The following CRPPA variants were observed in gnomAD, a reference collection of about 807,000 sequenced individuals.
CRPPA encodes CDP-L-ribitol pyrophosphorylase A.
Under a neutral mutation model 52.0 loss-of-function variants are expected in CRPPA, and 43 were observed. That is an observed-to-expected ratio of 0.83 (90% CI 0.65 to 1.07). The LOEUF (loss-of-function observed/expected upper bound fraction) is 1.07. CRPPA is among the 50% of genes least tolerant of loss of function. CRPPA has a pLI of 0.00. For missense variants in CRPPA, 629 were observed against 551.7 expected, an observed-to-expected ratio of 1.14 and a Z score of -1.40; for synonymous variants, 250 against 203.5, an observed-to-expected ratio of 1.23 and a Z score of -1.94.
At chr7:16,333,831 G>A (rs1237429388) in intron 3 of CRPPA, among the ~76,000 whole-genome samples, 1 of 152,180 alleles carries the variant, frequency 6.6e-6, no homozygotes, top group East Asian at 1.9e-4. Context: ...CTTGGCAGTG[G>A]ACCACAAAAA....
intron 2 of CRPPA, among the ~76,000 whole-genome samples, chr7:16,388,485 G>A (rs1418636532): frequency 6.6e-6 from 1 of 152,034 alleles, no homozygotes; most frequent in Non-Finnish European, 1.5e-5. Flanking sequence ...GACACTGGGG[G>A]AAAGAAGAAC....
intron 9 of CRPPA, among the ~76,000 whole-genome samples, chr7:16,129,587 T>A (rs1362161473): frequency 6.6e-6 from 1 of 152,082 alleles, no homozygotes; most frequent in Non-Finnish European, 1.5e-5. Flanking sequence ...ACATCATCTG[T>A]TTTTGCTCAG....
intron 9 of CRPPA, among the ~76,000 whole-genome samples, chr7:16,174,164 C>T (rs556221278): frequency 1.3e-5 from 2 of 152,272 alleles, no homozygotes; most frequent in South Asian, 2.1e-4. Flanking sequence ...TTACAAGACA[C>T]ATTGCAAACA....
chr7:16,095,103 T>C, intron 9 of CRPPA, among the ~76,000 whole-genome samples: 1 of 152,208 alleles, frequency 6.6e-6, no homozygotes, highest in East Asian at 1.9e-4. Flanking sequence ...CCTCTGAATT[T>C]GTCTGTATAT....
chr7:16,394,043 A>C (rs1458009563), intron 2 of CRPPA, among the ~76,000 whole-genome samples: 2 of 152,172 alleles, frequency 1.3e-5, no homozygotes, highest in African/African-American at 4.8e-5. Flanking sequence ...AGTGGTGAGG[A>C]CTAGGGCAAC....
At chr7:16,225,300 A>G (rs1201137568) in intron 8 of CRPPA, among the ~76,000 whole-genome samples, 1 of 152,006 alleles carries the variant, frequency 6.6e-6, no homozygotes, top group Non-Finnish European at 1.5e-5. Flanking sequence ...TAAAATAAAT[A>G]GTTTTTCAAA....
intron 9 of CRPPA, among the ~76,000 whole-genome samples, chr7:16,180,604 A>G (rs576412079): frequency 4.6e-5 from 7 of 152,156 alleles, no homozygotes; most frequent in Admixed American, 1.3e-4. Context: ...ATACAATGGA[A>G]TATATTCATC....
chr7:16,255,007 G>C (rs947950943), intron 8 of CRPPA, among the ~76,000 whole-genome samples: 1 of 152,096 alleles, frequency 6.6e-6, no homozygotes, highest in East Asian at 1.9e-4. Context: ...AATTGTCCCT[G>C]TTTGCAGATG....
intron 8 of CRPPA, among the ~76,000 whole-genome samples, chr7:16,239,873 T>C (rs867816179): frequency 2.6e-5 from 4 of 151,866 alleles, no homozygotes; most frequent in African/African-American, 9.7e-5. Context: ...TCAAGAAAAA[T>C]TTACTCATAA....
At chr7:16,412,500 G>A (rs1021942897) in intron 1 of CRPPA, among the ~76,000 whole-genome samples, 1 of 152,164 alleles carries the variant, frequency 6.6e-6, no homozygotes, top group Admixed American at 6.5e-5. Context: ...GGCTTATAAA[G>A]CTATTTTGGT....
chr7:16,357,201 C>A (rs1459164072), intron 3 of CRPPA, among the ~76,000 whole-genome samples: 4 of 145,728 alleles, frequency 2.7e-5, no homozygotes, highest in Non-Finnish European at 5.9e-5. Flanking sequence ...ATTTTTGAGA[C>A]AGAGTCTCGC....
intron 3 of CRPPA, among the ~76,000 whole-genome samples, chr7:16,331,886 T>TC (rs1470278755): frequency 6.6e-6 from 1 of 152,112 alleles, no homozygotes; most frequent in Admixed American, 6.5e-5. Flanking sequence ...AATGGGAATA[T>TC]CTATAAAAGA....
chr7:16,418,501 C>CTCACA (rs1224064874), intron 1 of CRPPA, among the ~76,000 whole-genome samples: 1 of 152,090 alleles, frequency 6.6e-6, no homozygotes, highest in Non-Finnish European at 1.5e-5. Context: ...GTTTAATTGA[C>CTCACA]TCACAGTTCA....
chr7:16,398,333 C>G (rs574845439), intron 2 of CRPPA, among the ~76,000 whole-genome samples: 1 of 150,634 alleles, frequency 6.6e-6, no homozygotes, highest in African/African-American at 2.5e-5. Context: ...ATGATCAATA[C>G]GTTATCAACA....
rs188540700 is a variant in CRPPA at position 16,264,682 on chromosome 7, G to T, written c.934-5670C>A. 2.5e-3 allele frequency among the ~76,000 whole-genome samples: 379 copies of T among 152,280 alleles called. 2 individuals carry two copies. The highest frequency in any genetic ancestry group is 5.2e-3 in the Admixed American group (79 of 15,300). On this transcript the variant is annotated intron_variant, in intron 6 of 9. Coordinates refer to ENST00000407010, the MANE Select transcript of CRPPA (RefSeq NM_001101426.4). ...CTGAGTCTGAATCTTCCAACTTCTA[G>T]CCTCTCTACCATTCAAACAATGGCA...
intron 5 of CRPPA, among the ~76,000 whole-genome samples, chr7:16,290,093 C>A (rs369120438): frequency 2.6e-5 from 4 of 151,406 alleles, no homozygotes; most frequent in Admixed American, 6.6e-5. Context: ...AATAAAATAC[C>A]CAGGAGGCAA....
At chr7:16,376,902 A>G (rs1349676765) in intron 2 of CRPPA, among the ~76,000 whole-genome samples, 4 of 152,132 alleles carry the variant, frequency 2.6e-5, no homozygotes, top group Non-Finnish European at 5.9e-5. Flanking sequence ...TCTTTTTTGG[A>G]GTCCCATTGT....
intron 5 of CRPPA, among the ~76,000 whole-genome samples, chr7:16,281,596 A>C (rs1037747262): frequency 5.3e-5 from 8 of 152,188 alleles, no homozygotes; most frequent in Non-Finnish European, 8.8e-5. Flanking sequence ...TATTGTCATT[A>C]AGTAATTATA....
At chr7:16,318,741 G>C (rs1449189551) in intron 3 of CRPPA, among the ~76,000 whole-genome samples, 6 of 152,032 alleles carry the variant, frequency 3.9e-5, no homozygotes, top group Non-Finnish European at 8.8e-5. Context: ...GCACACATTT[G>C]GCCCTCCACC....
Sources: gnomAD v4.1 joint callset for allele counts (sites outside exome capture counted in the v4.1 genomes callset) on GRCh38, gnomAD v4.1.1 for gene constraint, MANE v1.5 for transcripts, NCBI Gene and HGNC (gene_info 2026-07-23, HGNC 2026-07-21) for gene names.